SOX5: variants seen among roughly 807,000 people sequenced by gnomAD.
SOX5 encodes SRY-box transcription factor 5.
A neutral mutation model predicts 92.0 loss-of-function variants in SOX5; 9 were observed. That is an observed-to-expected ratio of 0.10 (90% CI 0.06 to 0.17). SOX5 has a LOEUF of 0.17. Ranked by LOEUF, SOX5 falls within the 10% of genes least tolerant of loss-of-function variation. The pLI is 1.00. For missense variants in SOX5, 642 were observed against 944.5 expected, an observed-to-expected ratio of 0.68 and a Z score of 4.20; for synonymous variants, 344 against 336.3, an observed-to-expected ratio of 1.02 and a Z score of -0.25.
At chr12:23,601,172 G>A (rs957710831) in intron 9 of SOX5, among the ~76,000 whole-genome samples, 1 of 152,112 alleles carries the variant, frequency 6.6e-6, no homozygotes, top group African/African-American at 2.4e-5. Context: ...AAAACAGCAT[G>A]CATCAGAGGA....
chr12:24,491,160 T>C (rs1947034879), intron 1 of SOX5, among the ~76,000 whole-genome samples: 1 of 152,154 alleles, frequency 6.6e-6, no homozygotes, highest in Admixed American at 6.5e-5. Flanking sequence ...GTGAAGGGCC[T>C]AGTTAATGGG....
chr12:24,414,626 T>A (rs1349769535), intron 1 of SOX5, among the ~76,000 whole-genome samples: 1 of 152,190 alleles, frequency 6.6e-6, no homozygotes, highest in African/African-American at 2.4e-5. Flanking sequence ...CCACATGTGA[T>A]GACGGACAGG....
chr12:23,694,308 A>G (rs928289578), intron 6 of SOX5, among the ~76,000 whole-genome samples: 1 of 152,174 alleles, frequency 6.6e-6, no homozygotes, highest in African/African-American at 2.4e-5. Flanking sequence ...GAACAGTCTC[A>G]GCTACTTCCC....
At chr12:24,315,559 T>G (rs486149) in intron 2 of SOX5, among the ~76,000 whole-genome samples, 132,871 of 152,010 alleles carry the variant, frequency 0.87, 58,365 homozygotes, top group East Asian at 0.98. Context: ...TTCTTCAAAG[T>G]TTCAAATTAA....
intron 1 of SOX5, among the ~76,000 whole-genome samples, chr12:24,554,426 C>G (rs1273425376): frequency 6.6e-6 from 1 of 152,114 alleles, no homozygotes; most frequent in Non-Finnish European, 1.5e-5. Context: ...TTGAAGCAAC[C>G]CGTGCTCACT....
chr12:23,801,335 G>A (rs181332281), intron 3 of SOX5, among the ~76,000 whole-genome samples: 2 of 152,310 alleles, frequency 1.3e-5, no homozygotes, highest in East Asian at 3.9e-4. Context: ...TAAGAAAACA[G>A]TGTGACAGTT....
intron 4 of SOX5, among the ~76,000 whole-genome samples, chr12:24,134,115 TG>T (rs1424222755): frequency 1.3e-5 from 2 of 152,182 alleles, no homozygotes; most frequent in African/African-American, 4.8e-5. Flanking sequence ...GCAGACAGGT[TG>T]ATAAATGCAG....
rs569022319 is a variant in SOX5, at chr12:23,919,311, G to A, written c.39-23287C>T. On this transcript the variant is annotated intron_variant, in intron 1 of 14. Transcript: ENST00000451604. The stretch of plus-strand genomic sequence containing the variant: ...CTGGATTTTTATGAGGAATGTCCAG[G>A]TTTTTAATGTTAGTATAATCAAAAG... 8.5e-5 allele frequency among the ~76,000 whole-genome samples: 13 copies of A among 152,224 alleles called. No homozygotes were observed. The South Asian group carries it at 2.3e-3, about 27-fold the overall frequency.
intron 11 of SOX5, among the ~76,000 whole-genome samples, chr12:23,562,053 C>T (rs1946300338): frequency 6.6e-6 from 1 of 152,086 alleles, no homozygotes; most frequent in South Asian, 2.1e-4. Context: ...ATATAAATTC[C>T]TTTATGCTTG....
intron 4 of SOX5, among the ~76,000 whole-genome samples, chr12:24,068,324 T>C (rs1257433608): frequency 6.6e-6 from 1 of 152,086 alleles, no homozygotes; most frequent in Non-Finnish European, 1.5e-5. Flanking sequence ...TTCACAAAAA[T>C]TTGGAACCCT....
chr12:23,614,864 C>T lies in SOX5; in HGVS notation c.1018-10331G>A, dbSNP rs757489846. 3.3e-5 allele frequency among the ~76,000 whole-genome samples: 5 copies of T among 152,176 alleles called. No individual in the cohort carries two copies. In the South Asian group the frequency reaches 1.0e-3, roughly 32 times the overall value. On this transcript the variant is annotated intron_variant, in intron 8 of 14. Coordinates refer to ENST00000451604, the MANE Select transcript of SOX5 (RefSeq NM_006940.6). The stretch of plus-strand genomic sequence containing the variant: ...ATGCCCAGGCTGGAGTGCAATGGCA[C>T]AATCTTGGCTCACTGCAACCTCCGC...
At position 24,231,012 on chromosome 12, in the gene SOX5, T is replaced by C. The variant is rs879802896; in HGVS notation, c.-76-17595A>G. 1.5e-4 allele frequency among the ~76,000 whole-genome samples: 23 copies of C among 152,294 alleles called. 1 individual carries two copies. Among genetic ancestry groups the C allele is most frequent in the Admixed American group, 1.5e-3 (23 of 15,308 alleles). The stretch of plus-strand genomic sequence containing the variant: ...TTTTGCATTCCCCGTTTTTGAAGAA[T>C]TCAAATCAGGAAATTTCCGTTATCT... On this transcript the variant is annotated intron_variant, in intron 3 of 4. Transcript: ENST00000446891.
intron 4 of SOX5, among the ~76,000 whole-genome samples, chr12:23,977,793 T>G (rs5028677): frequency 0.36 from 54,313 of 151,656 alleles, 10,381 homozygotes; most frequent in East Asian, 0.56. Context: ...GCCTTCCTTG[T>G]TCCTCTTGAA....
At chr12:23,860,076 A>G (rs2096737790) in intron 2 of SOX5, among the ~76,000 whole-genome samples, 1 of 152,210 alleles carries the variant, frequency 6.6e-6, no homozygotes, top group African/African-American at 2.4e-5. Flanking sequence ...GTTCTCACTT[A>G]TAAGTGGAAG....
chr12:23,652,331 C>T (rs529832390), intron 7 of SOX5, among the ~76,000 whole-genome samples: 12 of 152,158 alleles, frequency 7.9e-5, no homozygotes, highest in African/African-American at 2.9e-4. Flanking sequence ...CTGCAATAGG[C>T]TGTTCCACCT....
In SOX5 at chr12:23,837,275, G is replaced by GATA. The variant is rs1568204332; in HGVS notation, c.481+8707_481+8708insTAT. On this transcript the variant is annotated intron_variant, in intron 3 of 14. Coordinates refer to ENST00000451604, the MANE Select transcript of SOX5 (RefSeq NM_006940.6). ...TTTATATTTATATAATATATAATAT[G>GATA]TATTTATATTTATATTTATATAATA... Among the ~76,000 whole-genome samples the GATA allele has an allele frequency of 7.1e-3, 509 of 71,294 alleles. 42 individuals carry two copies. Among genetic ancestry groups the GATA allele is most frequent in the African/African-American group, 0.021 (474 of 22,262 alleles). The allele number at this position is 71,294 out of a possible 152,430, so 46.8% of individuals were successfully genotyped here.
intron 2 of SOX5, among the ~76,000 whole-genome samples, chr12:24,297,827 TA>T (rs1947451014): frequency 6.6e-6 from 1 of 152,120 alleles, no homozygotes; most frequent in African/African-American, 2.4e-5. Flanking sequence ...TGGGCAGGAG[TA>T]ACGATGTTTA....
At chr12:23,669,646 G>GA (rs397768289) in intron 6 of SOX5, among the ~76,000 whole-genome samples, 2,098 of 41,698 alleles carry the variant, frequency 0.05, 50 homozygotes, top group African/African-American at 0.16. Context: ...TGGATGAGGA[G>GA]AAAAAAAAAA....
intron 4 of SOX5, among the ~76,000 whole-genome samples, chr12:23,964,358 A>G (rs1415721017): frequency 6.6e-6 from 1 of 152,188 alleles, no homozygotes; most frequent in Non-Finnish European, 1.5e-5. Context: ...TATTCCTTAG[A>G]AAAAGCTGCT....
Sources: allele counts gnomAD v4.1 joint callset (sites outside exome capture counted in the v4.1 genomes callset), GRCh38; gene constraint gnomAD v4.1.1; transcripts MANE v1.5; gene names NCBI Gene and HGNC (gene_info 2026-07-23, HGNC 2026-07-21).